Variants in CPS1 observed in about 807,000 individuals in gnomAD.
CPS1 encodes the protein carbamoyl-phosphate synthase [ammonia], mitochondrial.
Under a neutral mutation model 174.6 loss-of-function variants are expected in CPS1, and 109 were observed. That is an observed-to-expected ratio of 0.62 (90% CI 0.53 to 0.73). The LOEUF is 0.73. Among genes scored for constraint, CPS1 ranks in the 30% least tolerant of loss-of-function variants. CPS1 has a pLI of 0.00. For synonymous variants in CPS1, 637 were observed against 632.0 expected (o/e 1.01, Z -0.12); for missense variants, 1,689 against 1,821.9 (o/e 0.93, Z 1.33).
chr2:210,610,442 A>T (rs898103307), intron 19 of CPS1, among the ~76,000 whole-genome samples: 1 of 152,004 alleles, frequency 6.6e-6, no homozygotes, highest in African/African-American at 2.4e-5. Flanking sequence ...GATAATTGAG[A>T]TACATTGTCT....
chr2:210,602,609 A>G (rs1365850840), intron 16 of CPS1, among the ~76,000 whole-genome samples: 3 of 151,948 alleles, frequency 2.0e-5, no homozygotes, highest in African/African-American at 7.2e-5. Context: ...CTTCAAGGAG[A>G]TGAACTTAAT....
rs534152112 is a variant in CPS1, at chr2:210,677,049, C to T, written c.4317C>T (p.Pro1439=). Residue 1439 remains proline (P), a synonymous_variant, in exon 37 of 38, where the codon CCC becomes CCT. Coordinates refer to ENST00000233072, the MANE Select transcript of CPS1 (RefSeq NM_001875.5). ...DGSIDLVINL[P]NNNTKFVHDN... ...GCATTGACCTAGTGATTAACCTTCC[C>T]AACAACAACACTAAATTTGTCCATG... The T allele has an allele frequency of 1.4e-5, 23 of 1,613,604 alleles. No individual in the cohort carries two copies. The African/African-American group carries it at 2.8e-4, about 20-fold the overall frequency.
intron 1 of CPS1, among the ~76,000 whole-genome samples, chr2:210,493,752 C>A (rs1260929287): frequency 1.3e-5 from 2 of 152,180 alleles, no homozygotes; most frequent in African/African-American, 4.8e-5. Context: ...TTTCAGTCTG[C>A]TGTTGGTTTT....
At chr2:210,504,081 G>A (rs1019903896) in intron 1 of CPS1, among the ~76,000 whole-genome samples, 18 of 152,068 alleles carry the variant, frequency 1.2e-4, no homozygotes, top group African/African-American at 4.3e-4. Flanking sequence ...CCAGCTGCTT[G>A]TTGTTCAGGG....
chr2:210,631,512 CTCACCA>C (rs1314571730), intron 21 of CPS1, among the ~76,000 whole-genome samples: 1 of 152,162 alleles, frequency 6.6e-6, no homozygotes, highest in Non-Finnish European at 1.5e-5. Context: ...GCCATGCTGT[CTCACCA>C]TTAAAAGATT....
Position 210,612,109 on chromosome 2 carries a change from T to C in CPS1, c.2392-8T>C, listed in dbSNP as rs1699147148. ...CTTTCAATATGAGGTCTTAAACATG[T>C]ATTACAGGTCATGGCTATTGGTCGT... On this transcript the variant is annotated splice_region_variant and splice_polypyrimidine_tract_variant and intron_variant, in intron 19 of 37. Transcript: ENST00000233072. 1 of 1,611,234 alleles carries C rather than the reference T, an allele frequency of 6.2e-7. No individual in the cohort carries two copies. Among genetic ancestry groups the C allele is most frequent in the Non-Finnish European group, 8.5e-7 (1 of 1,178,122 alleles).
Position 210,588,162 on chromosome 2 carries a change from C to A in CPS1, c.711+15C>A. ...TGCTAGTAAAGGTAAGTAATTTGTT[C>A]ATTTCAAAGGTGAGGGTTTGTCATA... On this transcript the variant is annotated intron_variant, in intron 7 of 37. Transcript: ENST00000233072. 6.2e-7 allele frequency: 1 copy of A among 1,605,876 alleles called. No homozygotes were observed. The highest frequency in any genetic ancestry group is 1.7e-5 in the Admixed American group (1 of 59,824).
In CPS1 at chr2:210,549,304, G is replaced by T. The variant is rs76306001; in HGVS notation, c.4-7415G>T. On this transcript the variant is annotated intron_variant, in intron 1 of 38. Coordinates refer to the CPS1 transcript ENST00000430249. ...TGTTTGTTCTGTCAGCATGTTAGAAGATGGTTTTGTTGCAATGATAATCGT... is the reference window on the plus strand; with the variant it reads ...TGTTTGTTCTGTCAGCATGTTAGAATATGGTTTTGTTGCAATGATAATCGT... Among the ~76,000 whole-genome samples the T allele has an allele frequency of 3.2e-3, 484 of 152,182 alleles. 2 individuals are homozygous for T. Among genetic ancestry groups the T allele is most frequent in the South Asian group, 8.3e-3 (40 of 4,828 alleles).
chr2:210,601,469 T>G (rs2105841768), intron 15 of CPS1, among the ~76,000 whole-genome samples: 1 of 152,082 alleles, frequency 6.6e-6, no homozygotes, highest in South Asian at 2.1e-4. Flanking sequence ...ACCAAGTATC[T>G]TTTGTGTTAC....
At chr2:210,511,113 A>G (rs1036765908) in intron 1 of CPS1, among the ~76,000 whole-genome samples, 179 of 152,296 alleles carry the variant, frequency 1.2e-3, no homozygotes, top group Admixed American at 2.4e-3. Context: ...TCACAATAGC[A>G]AAGACTTGGA....
intron 1 of CPS1, among the ~76,000 whole-genome samples, chr2:210,515,959 C>T (rs1040165370): frequency 5.9e-5 from 9 of 151,640 alleles, no homozygotes; most frequent in African/African-American, 2.2e-4. Flanking sequence ...CATTGTTTAC[C>T]CAAAAGTCAT....
At chr2:210,591,211 G>A (rs1698285454) in intron 9 of CPS1, among the ~76,000 whole-genome samples, 1 of 151,732 alleles carries the variant, frequency 6.6e-6, no homozygotes, top group Non-Finnish European at 1.5e-5. Context: ...TCCTTCCCTT[G>A]GCATAAATTG....
In CPS1 at chr2:210,544,669, A is replaced by G. The variant is rs28699076; in HGVS notation, c.4-12050A>G. 2.0e-3 allele frequency among the ~76,000 whole-genome samples: 302 copies of G among 152,204 alleles called. 3 individuals carry two copies. Among genetic ancestry groups the G allele is most frequent in the African/African-American group, 6.9e-3 (285 of 41,566 alleles). Reference sequence around the variant, plus strand: ...CTCGTACTAGTTTGAGAGGGTAGCTATTCCTTGACAATCTTTTTCTTCAGG... The same window carrying G: ...CTCGTACTAGTTTGAGAGGGTAGCTGTTCCTTGACAATCTTTTTCTTCAGG... On this transcript the variant is annotated intron_variant, in intron 1 of 38. Transcript: ENST00000430249.
At chr2:210,590,569 GGT>G (rs1698260833) in intron 8 of CPS1, among the ~76,000 whole-genome samples, 2 of 152,070 alleles carry the variant, frequency 1.3e-5, no homozygotes, top group South Asian at 4.1e-4. Flanking sequence ...AAGACCTGCA[GGT>G]CTCTAAAGAA....
intron 1 of CPS1, among the ~76,000 whole-genome samples, chr2:210,482,759 C>T (rs1360401587): frequency 2.0e-5 from 3 of 152,140 alleles, no homozygotes; most frequent in East Asian, 3.9e-4. Flanking sequence ...CTTGAGTTAT[C>T]GTGCCCATCA....
intron 6 of CPS1, 140 bp downstream of exon 6, chr2:210,582,849 A>C (rs1229187662): frequency 4.3e-6 from 3 of 697,938 alleles, no homozygotes; most frequent in Non-Finnish European, 7.6e-6. Context: ...CATAGCAGCT[A>C]AAATACACCT....
chr2:210,580,623 A>G (rs1559086901), intron 5 of CPS1, among the ~76,000 whole-genome samples: 4 of 152,106 alleles, frequency 2.6e-5, no homozygotes, highest in African/African-American at 4.8e-5. Flanking sequence ...GCACTTTGGG[A>G]GGCTGAGGCA....
In CPS1 at chr2:210,491,307, G is replaced by GTTTTTT. The variant is rs66825517; in HGVS notation, c.3+13567_3+13572dup. 7.5e-4 allele frequency among the ~76,000 whole-genome samples: 38 copies of GTTTTTT among 50,350 alleles called. 6 individuals carry two copies. The highest frequency in any genetic ancestry group is 3.0e-3 in the African/African-American group (30 of 9,982). The allele number at this position is 50,350 out of a possible 152,430, so 33.0% of individuals were successfully genotyped here. A position where few individuals can be genotyped will look rare whatever the true frequency, so the allele number is the denominator to read the frequency against. ...GTAAAAGCATGTATTTGGTATCTGT[G>GTTTTTT]TTTTTTTTTTTTTTTTTTTTTTTTT... On this transcript the variant is annotated intron_variant, in intron 1 of 38. Coordinates refer to the CPS1 transcript ENST00000430249.
rs1701618343 is a variant in CPS1 at position 210,678,871 on chromosome 2, C to T, written c.*886C>T. 6.6e-6 allele frequency: 1 copy of T among 152,150 alleles called. No individual in the cohort carries two copies. The highest frequency in any genetic ancestry group is 2.4e-5 in the African/African-American group (1 of 41,416). 9.4% of individuals were successfully genotyped at this position (152,150 alleles called of 1,614,324 possible). On this transcript the variant is annotated 3_prime_UTR_variant, in exon 38 of 38. Coordinates refer to ENST00000233072, the MANE Select transcript of CPS1 (RefSeq NM_001875.5). ...AGATTTTTGTCATTCACACTCTCCCCCAGTTTTGGAATAACTTGGAAGTAA... is the reference window on the plus strand; with the variant it reads ...AGATTTTTGTCATTCACACTCTCCCTCAGTTTTGGAATAACTTGGAAGTAA...
Sources: gnomAD v4.1 joint callset for allele counts (sites outside exome capture counted in the v4.1 genomes callset) on GRCh38, gnomAD v4.1.1 for gene constraint, MANE v1.5 for transcripts, NCBI Gene and HGNC (gene_info 2026-07-23, HGNC 2026-07-21) for gene names.